KLF12: variants seen among roughly 807,000 people sequenced by gnomAD.
KLF12 encodes Krueppel-like factor 12.
In KLF12, 9 loss-of-function variants were observed where a neutral mutation model predicts 37.8. The ratio of observed to expected loss-of-function variants is 0.24; its 90% CI spans 0.14 to 0.42. The LOEUF (loss-of-function observed/expected upper bound fraction) is 0.42, where lower values mean the gene tolerates loss of function less well. Ranked by LOEUF, KLF12 falls within the 10% of genes least tolerant of loss-of-function variation. The pLI, the probability that KLF12 is intolerant of heterozygous loss-of-function variation, is 1.00. For synonymous variants in KLF12, 208 were observed against 202.1 expected (o/e 1.03, Z -0.25); for missense variants, 411 against 516.0 (o/e 0.80, Z 1.97).
At chr13:74,142,597 C>T in the KLF12 span, among the ~76,000 whole-genome samples, 1 of 152,100 alleles carries the variant, frequency 6.6e-6, no homozygotes, top group African/African-American at 2.4e-5. Flanking sequence ...TGTGTCTGAC[C>T]ACTTCTCAGT....
chr13:73,831,179 T>C (rs957727822), intron 4 of KLF12, among the ~76,000 whole-genome samples: 3 of 152,200 alleles, frequency 2.0e-5, no homozygotes, highest in African/African-American at 7.2e-5. Context: ...AATTAAGGCA[T>C]ACTTTTTAAA....
At chr13:73,890,771 C>T (rs1448483981) in intron 3 of KLF12, among the ~76,000 whole-genome samples, 2 of 151,990 alleles carry the variant, frequency 1.3e-5, no homozygotes, top group East Asian at 1.9e-4. Context: ...TAAGTCTCCT[C>T]TCTTTTAACC....
chr13:74,129,605 G>C (rs981254773), intron 1 of KLF12, among the ~76,000 whole-genome samples: 1 of 151,716 alleles, frequency 6.6e-6, no homozygotes, highest in Non-Finnish European at 1.5e-5. Flanking sequence ...AATGTGTTTG[G>C]AGCAGTCTAA....
chr13:73,903,218 T>C (rs1220879830), intron 3 of KLF12, among the ~76,000 whole-genome samples: 1 of 152,192 alleles, frequency 6.6e-6, no homozygotes, highest in African/African-American at 2.4e-5. Context: ...TTTAAAGGTC[T>C]GTTGTCTGTG....
chr13:74,277,665 G>A, the KLF12 span, among the ~76,000 whole-genome samples: 2 of 152,130 alleles, frequency 1.3e-5, no homozygotes, highest in Non-Finnish European at 1.5e-5. Flanking sequence ...GAATTCTATA[G>A]GGCTATTCCT....
intron 6 of KLF12, among the ~76,000 whole-genome samples, chr13:73,724,032 A>T (rs1876475032): frequency 6.6e-6 from 1 of 152,162 alleles, no homozygotes; most frequent in East Asian, 1.9e-4. Context: ...CAGCAATACC[A>T]TTTCTGGGTA....
intron 1 of KLF12, among the ~76,000 whole-genome samples, chr13:74,052,471 C>T (rs1339419233): frequency 6.6e-6 from 1 of 151,986 alleles, no homozygotes; most frequent in African/African-American, 2.4e-5. Context: ...AGTTTTCGGA[C>T]ACTACAGAAA....
chr13:74,139,503 G>A, the KLF12 span, among the ~76,000 whole-genome samples: 5 of 152,114 alleles, frequency 3.3e-5, no homozygotes, highest in South Asian at 2.1e-4. Context: ...GCAATGTGTC[G>A]GTAAATACCT....
the KLF12 span, among the ~76,000 whole-genome samples, chr13:74,213,325 T>A: frequency 6.6e-6 from 1 of 152,208 alleles, no homozygotes; most frequent in African/African-American, 2.4e-5. Flanking sequence ...AGAGTAACTA[T>A]TCTTGTTCTC....
intron 5 of KLF12, among the ~76,000 whole-genome samples, chr13:73,785,024 T>C (rs1341156793): frequency 6.6e-6 from 1 of 152,098 alleles, no homozygotes; most frequent in Admixed American, 6.6e-5. Flanking sequence ...TCTCCCAAAG[T>C]TACATTTTCA....
chr13:73,707,980 A>T (rs1417795186), intron 7 of KLF12, among the ~76,000 whole-genome samples: 1 of 152,210 alleles, frequency 6.6e-6, no homozygotes, highest in Non-Finnish European at 1.5e-5. Flanking sequence ...CAAATATGTA[A>T]TCAAATATAA....
At position 74,006,547 on chromosome 13, in the gene KLF12, G is replaced by T. The variant is rs570242348; in HGVS notation, c.-31-11494C>A. Among the ~76,000 whole-genome samples the T allele has an allele frequency of 2.6e-5, 4 of 152,086 alleles. No homozygotes were observed. In the South Asian group the frequency reaches 8.3e-4, roughly 32 times the overall value. Reference sequence around the variant, plus strand: ...CATCTTATTGTACGTCTGGAATTACGACAGCCATGGAGATTTACAGCCAAG... The same window carrying T: ...CATCTTATTGTACGTCTGGAATTACTACAGCCATGGAGATTTACAGCCAAG... On this transcript the variant is annotated intron_variant, in intron 1 of 7. Transcript: ENST00000377669.
At chr13:73,798,218 T>C (rs1412743380) in intron 5 of KLF12, among the ~76,000 whole-genome samples, 1 of 152,170 alleles carries the variant, frequency 6.6e-6, no homozygotes, top group East Asian at 1.9e-4. Context: ...GCCAGCCATA[T>C]GTAGAAGAGT....
intron 2 of KLF12, among the ~76,000 whole-genome samples, chr13:73,991,338 C>T (rs144818826): frequency 4.6e-5 from 7 of 152,284 alleles, no homozygotes; most frequent in African/African-American, 1.7e-4. Context: ...CCAAGTCTTA[C>T]GGATAGTAGC....
At chr13:74,047,407 C>G (rs187508029) in intron 1 of KLF12, among the ~76,000 whole-genome samples, 1 of 149,422 alleles carries the variant, frequency 6.7e-6, no homozygotes, top group Non-Finnish European at 1.5e-5. Context: ...CTGGCTAACA[C>G]GGCGAAACCC....
intron 3 of KLF12, among the ~76,000 whole-genome samples, chr13:73,879,386 T>C (rs962887255): frequency 1.4e-4 from 22 of 152,140 alleles, no homozygotes; most frequent in African/African-American, 5.1e-4. Context: ...CACCCCAACG[T>C]TATGAATGTG....
At chr13:74,023,989 T>G (rs111922078) in intron 1 of KLF12, among the ~76,000 whole-genome samples, 7,714 of 152,260 alleles carry the variant, frequency 0.051, 286 homozygotes, top group African/African-American at 0.11. Flanking sequence ...TCACCACCAG[T>G]GCACTGGAGC....
At chr13:74,021,593 C>T (rs1161608305) in intron 1 of KLF12, among the ~76,000 whole-genome samples, 2 of 152,050 alleles carry the variant, frequency 1.3e-5, no homozygotes, top group African/African-American at 4.8e-5. Flanking sequence ...CTCTTTACAA[C>T]CCCATGACTA....
the KLF12 span, among the ~76,000 whole-genome samples, chr13:74,203,638 C>A: frequency 1.3e-5 from 2 of 152,034 alleles, no homozygotes; most frequent in East Asian, 3.9e-4. Context: ...CTGTACTGAA[C>A]TTGGTGGAGG....
Sources: gnomAD v4.1 joint callset for allele counts (sites outside exome capture counted in the v4.1 genomes callset) on GRCh38, gnomAD v4.1.1 for gene constraint, MANE v1.5 for transcripts, NCBI Gene and HGNC (gene_info 2026-07-23, HGNC 2026-07-21) for gene names.